The following SNX29 variants were observed in gnomAD, a reference collection of about 807,000 sequenced individuals.
The protein encoded by SNX29 is sorting nexin-29.
In SNX29, 78 loss-of-function variants were observed where a neutral mutation model predicts 102.1. The ratio of observed to expected loss-of-function variants is 0.76; its 90% CI spans 0.64 to 0.92. The LOEUF (loss-of-function observed/expected upper bound fraction) is 0.92, where lower values mean the gene tolerates loss of function less well. SNX29 is among the 40% of genes least tolerant of loss of function. The pLI, the probability that SNX29 is intolerant of heterozygous loss-of-function variation, is 0.00. For synonymous variants in SNX29, 580 were observed against 414.5 expected (o/e 1.40, Z -4.85); for missense variants, 1,280 against 1,061.7 (o/e 1.21, Z -2.86).
At chr16:12,114,368 A>C (rs1435565079) in intron 11 of SNX29, among the ~76,000 whole-genome samples, 2 of 152,202 alleles carry the variant, frequency 1.3e-5, no homozygotes, top group Non-Finnish European at 2.9e-5. Flanking sequence ...ACCTGTGGCC[A>C]TGCTGGCTTT....
At chr16:12,432,410 A>G (rs1449291250) in intron 18 of SNX29, among the ~76,000 whole-genome samples, 1 of 152,238 alleles carries the variant, frequency 6.6e-6, no homozygotes, top group African/African-American at 2.4e-5. Context: ...CCAGGACTGT[A>G]GAAGTCCAGG....
intron 20 of SNX29, 145 bp downstream of exon 20, chr16:12,524,986 G>A: frequency 1.7e-6 from 2 of 1,203,098 alleles, no homozygotes; most frequent in Non-Finnish European, 1.2e-6. Flanking sequence ...TGTTCCAGGT[G>A]CCAAAGTGGA....
At chr16:12,247,822 A>G (rs2078303362) in intron 14 of SNX29, among the ~76,000 whole-genome samples, 1 of 152,216 alleles carries the variant, frequency 6.6e-6, no homozygotes, top group Non-Finnish European at 1.5e-5. Flanking sequence ...TAAACCAGTT[A>G]TGACCACATG....
Position 12,570,421 on chromosome 16 carries a change from C to A in SNX29, c.*1792C>A, listed in dbSNP as rs530528408. ...AGTGCACATCAGCTCACATGACTGG[C>A]AACTCTAAATAGAGAGCCCTAATGG... is the stretch of plus-strand genomic sequence containing the variant. On this transcript the variant is annotated 3_prime_UTR_variant, in exon 21 of 21. Transcript: ENST00000566228. 110 of 259,150 alleles carry A rather than the reference C, an allele frequency of 4.2e-4. 1 individual carries two copies. The highest frequency in any genetic ancestry group is 2.1e-3 in the African/African-American group (98 of 45,912). 16.1% of individuals were successfully genotyped at this position (259,150 alleles called of 1,614,324 possible). A position where few individuals can be genotyped will look rare whatever the true frequency, so the allele number is the denominator to read the frequency against.
chr16:11,987,714 C>A (rs1028840119), intron 1 of SNX29, among the ~76,000 whole-genome samples: 5 of 152,020 alleles, frequency 3.3e-5, no homozygotes, highest in African/African-American at 9.7e-5. Flanking sequence ...ACTCTTAATT[C>A]CCTTTTCAGA....
At chr16:12,480,704 C>T (rs1425500770) in intron 19 of SNX29, among the ~76,000 whole-genome samples, 3 of 152,154 alleles carry the variant, frequency 2.0e-5, no homozygotes. Context: ...TTACACAAAA[C>T]TTAAGACAAA....
chr16:12,120,417 T>G (rs2053923445), intron 11 of SNX29, among the ~76,000 whole-genome samples: 2 of 152,218 alleles, frequency 1.3e-5, no homozygotes, highest in Non-Finnish European at 2.9e-5. Context: ...AGAGAGTGTG[T>G]GTGCGCACAC....
At position 12,296,989 on chromosome 16, in the gene SNX29, C is replaced by T. The variant is rs565138016; in HGVS notation, c.1782+18953C>T. Among the ~76,000 whole-genome samples the T allele has an allele frequency of 3.3e-5, 5 of 152,344 alleles. No homozygotes were observed. The South Asian group carries it at 1.0e-3, about 32-fold the overall frequency. ...GCTGCTGCCCGCTAGATGCTGGTGG[C>T]ACCCCCTTCCCCACAACTGTGATAA... On this transcript the variant is annotated intron_variant, in intron 15 of 20. Coordinates refer to ENST00000566228, the MANE Select transcript of SNX29 (RefSeq NM_032167.5).
chr16:12,571,910 A>G lies in SNX29; in HGVS notation c.*3281A>G. The G allele has an allele frequency of 1.9e-6, 2 of 1,061,844 alleles. No homozygotes were observed. Among genetic ancestry groups the G allele is most frequent in the Non-Finnish European group, 2.3e-6 (2 of 877,094 alleles). The allele number at this position is 1,061,844 out of a possible 1,614,324, so 65.8% of individuals were successfully genotyped here. A position where few individuals can be genotyped will look rare whatever the true frequency, so the allele number is the denominator to read the frequency against. On this transcript the variant is annotated 3_prime_UTR_variant, in exon 21 of 21. Coordinates refer to ENST00000566228, the MANE Select transcript of SNX29 (RefSeq NM_032167.5). ...GGTTCAAAGCCCCCTGCATTTCTCT[A>G]CTGGCAGGCCCTGGTGAAGGAAGAC...
chr16:12,568,351 T>C (rs949352026), intron 20 of SNX29, among the ~76,000 whole-genome samples, 155 bp from the exon 21 acceptor site: 1 of 151,002 alleles, frequency 6.6e-6, no homozygotes, highest in African/African-American at 2.4e-5. Flanking sequence ...GGGTTTCTCA[T>C]TTCTTCAGGT....
intron 8 of SNX29, among the ~76,000 whole-genome samples, chr16:12,058,495 GT>G (rs1249420541): frequency 0.026 from 2,741 of 106,480 alleles, 58 homozygotes; most frequent in Middle Eastern, 0.061. Flanking sequence ...TTGGTTTTTG[GT>G]TTTTTTTTTT....
intron 20 of SNX29, among the ~76,000 whole-genome samples, chr16:12,566,542 G>C (rs118025413): frequency 6.6e-6 from 1 of 152,220 alleles, no homozygotes; most frequent in Non-Finnish European, 1.5e-5. Context: ...CATGACAGGA[G>C]GGGGTTGTGA....
rs574045172 is a variant in SNX29, at chr16:12,573,185, A to AG, written c.*4559dup. 26 of 226,262 alleles carry AG rather than the reference A, an allele frequency of 1.1e-4. No individual in the cohort carries two copies. The South Asian group carries it at 4.4e-3, about 38-fold the overall frequency. The allele number at this position is 226,262 out of a possible 1,614,324, so 14.0% of individuals were successfully genotyped here. On this transcript the variant is annotated 3_prime_UTR_variant, in exon 21 of 21. Transcript: ENST00000566228. ...AATAGAAGTAAGGGTGTAGCCATCC[A>AG]GGGTCTCCCGGCTCTAGGCAGACCG...
chr16:12,203,594 G>A (rs2076973059), intron 14 of SNX29, among the ~76,000 whole-genome samples: 1 of 152,220 alleles, frequency 6.6e-6, no homozygotes, highest in African/African-American at 2.4e-5. Flanking sequence ...CTGTCAGGTG[G>A]ACTGGTGGTA....
At chr16:12,251,862 C>A (rs147534540) in intron 14 of SNX29, among the ~76,000 whole-genome samples, 1 of 152,074 alleles carries the variant, frequency 6.6e-6, no homozygotes, top group Non-Finnish European at 1.5e-5. Context: ...TGGACTCAGG[C>A]AGTCCTCTTG....
chr16:12,112,605 A>G (rs2053542923), intron 11 of SNX29, among the ~76,000 whole-genome samples: 3 of 152,190 alleles, frequency 2.0e-5, no homozygotes, highest in Non-Finnish European at 2.9e-5. Context: ...AGCAGCCCCA[A>G]GCGGGAGAAG....
At chr16:12,347,593 C>T (rs56683681) in intron 15 of SNX29, among the ~76,000 whole-genome samples, 7,631 of 152,150 alleles carry the variant, frequency 0.05, 644 homozygotes, top group East Asian at 0.38. Flanking sequence ...ATATACACCT[C>T]CCAGGCTTGT....
intron 16 of SNX29, among the ~76,000 whole-genome samples, chr16:12,364,501 A>AT (rs777978491): frequency 3.4e-5 from 5 of 148,448 alleles, no homozygotes; most frequent in Admixed American, 6.8e-5. Flanking sequence ...AATGCTGGAG[A>AT]TTTTTACCTT....
At chr16:12,121,703 T>C (rs2053980335) in intron 11 of SNX29, among the ~76,000 whole-genome samples, 1 of 152,242 alleles carries the variant, frequency 6.6e-6, no homozygotes, top group Admixed American at 6.5e-5. Flanking sequence ...CATTTGTCTC[T>C]GTCCAGGCCT....
Sources: allele counts gnomAD v4.1 joint callset (sites outside exome capture counted in the v4.1 genomes callset), GRCh38; gene constraint gnomAD v4.1.1; transcripts MANE v1.5; gene names NCBI Gene and HGNC (gene_info 2026-07-23, HGNC 2026-07-21).